The following APBB3 variants were observed in gnomAD, a reference collection of about 807,000 sequenced individuals.
APBB3 encodes the protein amyloid beta precursor protein binding family B member 3, also known as amyloid-beta A4 precursor protein-binding family B member 3.
A neutral mutation model predicts 61.5 loss-of-function variants in APBB3; 50 were observed. The observed-to-expected ratio is 0.81, with a 90% confidence interval of 0.65 to 1.03. The LOEUF (loss-of-function observed/expected upper bound fraction) is 1.03. APBB3 is among the 50% of genes least tolerant of loss of function. APBB3 has a pLI of 0.00. For missense variants in APBB3, 550 were observed against 637.4 expected (o/e 0.86, Z 1.48); for synonymous variants, 235 against 233.0 (o/e 1.01, Z -0.08).
chr5:140,558,760 G>T lies in APBB3; in HGVS notation c.1286C>A (p.Ala429Asp), dbSNP rs1299401304. ...CCGCTTGAGCCGCAGGCGGGCACGG[G>T]CCTGGGCACCCCAGGCCTTGCCTCG... ...AARGKAWGAQ[A>D]RARLRLKRTS... Residue 429 changes from alanine to aspartate, a missense_variant, in exon 13 of 13, where the codon GCC (alanine) becomes GAC (aspartate). Around this residue, in one of 3 missense-constraint regions of APBB3, gnomAD observed 138 missense variants for 132.6 expected, o/e 1.04. Transcript: ENST00000357560. 3 of 1,608,458 alleles carry T rather than the reference G, an allele frequency of 1.9e-6. No homozygotes were observed. The highest frequency in any genetic ancestry group is 3.4e-4 in the Middle Eastern group (2 of 5,896).
In APBB3 at chr5:140,564,204, G is replaced by T; in HGVS notation, c.42C>A (p.Asn14Lys). The change falls in exon 1 of 13, where the codon AAC becomes AAA. Residue 14 changes from asparagine (N) to lysine (K), a missense_variant. Coordinates refer to ENST00000357560, the MANE Select transcript of APBB3 (RefSeq NM_133173.3). The surrounding 1 kb of genome is among the most constrained non-coding windows in gnomAD (Gnocchi z 5.0). Reference sequence around the variant, plus strand: ...GGGCCCCTCCGTGCACACCATCGCAGTTGACCAGAATGATGGCCAGCATGT... The same window carrying T: ...GGGCCCCTCCGTGCACACCATCGCATTTGACCAGAATGATGGCCAGCATGT... The part of the protein sequence containing the change: ...KDYMLAIILV[N>K]CDDDLWGDHS... 4.3e-6 allele frequency: 7 copies of T among 1,613,928 alleles called. No individual in the cohort carries two copies. The highest frequency in any genetic ancestry group is 5.9e-6 in the Non-Finnish European group (7 of 1,180,030).
At chr5:140,561,260 T>C in intron 9 of APBB3, 105 bp downstream of exon 9, 1 of 1,494,136 alleles carries the variant, frequency 6.7e-7, no homozygotes. Flanking sequence ...AGACCAGACA[T>C]CTCAGAAATT....
In APBB3 at chr5:140,562,100, C is replaced by G. The variant is rs201714439; in HGVS notation, c.626G>C (p.Arg209Pro). 2 of 1,613,684 alleles carry G rather than the reference C, an allele frequency of 1.2e-6. No individual in the cohort carries two copies. Among genetic ancestry groups the G allele is most frequent in the Non-Finnish European group, 1.7e-6 (2 of 1,179,868 alleles). The change falls in exon 6 of 13, where the codon CGT (arginine) becomes CCT (proline). Residue 209 changes from arginine to proline, a missense_variant and splice_region_variant. Arg to Pro is a moderately radical substitution (Grantham distance 103). Around this residue, in one of 3 missense-constraint regions of APBB3, gnomAD observed 405 missense variants for 483.4 expected, o/e 0.84. Transcript: ENST00000357560. ...RVWGVGSSKG[R>P]DRDFAFVASD... ...GCTTGGGGGATGTAGGCATCCTCAC[C>G]GGCCCTTGGAGCTCCCCACGCCCCA...
At position 140,558,543 on chromosome 5, in the gene APBB3, G is replaced by C. The variant is rs543273423; in HGVS notation, c.*42C>G. 1 of 1,583,016 alleles carries C rather than the reference G, an allele frequency of 6.3e-7. No homozygotes were observed. The highest frequency in any genetic ancestry group is 1.3e-5 in the African/African-American group (1 of 74,398). On this transcript the variant is annotated 3_prime_UTR_variant, in exon 13 of 13. Transcript: ENST00000357560. ...GAGGAATAAAACGGTACAGAGTTAGGCATGGACCCAGAGCCTACTTCCCCA... is the reference window on the plus strand; with the variant it reads ...GAGGAATAAAACGGTACAGAGTTAGCCATGGACCCAGAGCCTACTTCCCCA...
chr5:140,561,141 A>G (rs1754937227), intron 9 of APBB3, 40 bp from the exon 10 acceptor site: 1 of 1,609,984 alleles, frequency 6.2e-7, no homozygotes, highest in Admixed American at 1.7e-5. Context: ...AGCTCTTTCA[A>G]TTACCCTTTT....
rs888556291 is a variant in APBB3 at position 140,558,941 on chromosome 5, CAT to C, written c.1225-122_1225-121del. 167 of 867,028 alleles carry C rather than the reference CAT, an allele frequency of 1.9e-4. No homozygotes were observed. In the African/African-American group the frequency reaches 2.3e-3, roughly 12 times the overall value. The allele number at this position is 867,028 out of a possible 1,614,324, so 53.7% of individuals were successfully genotyped here. ...TGATAACAAGGTTGGTAGTCAGCCACATGTGGAGTTTCTAGAGCATTCCCAGG... is the reference window on the plus strand; with the variant it reads ...TGATAACAAGGTTGGTAGTCAGCCACGTGGAGTTTCTAGAGCATTCCCAGG... On this transcript the variant is annotated intron_variant, in intron 12 of 12. Coordinates refer to ENST00000357560, the MANE Select transcript of APBB3 (RefSeq NM_133173.3).
Position 140,558,496 on chromosome 5 carries a change from G to A in APBB3, c.*89C>T. 1.6e-6 allele frequency: 2 copies of A among 1,257,078 alleles called. No homozygotes were observed. The highest frequency in any genetic ancestry group is 4.6e-5 in the East Asian group (2 of 43,244). The allele number at this position is 1,257,078 out of a possible 1,614,324, so 77.9% of individuals were successfully genotyped here. On this transcript the variant is annotated 3_prime_UTR_variant, in exon 13 of 13. Coordinates refer to ENST00000357560, the MANE Select transcript of APBB3 (RefSeq NM_133173.3). ...GAGGGACAGGCAGAGAAGGCTTCAA[G>A]GAGTGACAGGCTATAGGCCTTGAGG...
In APBB3 at chr5:140,564,359, G is replaced by A. The variant is rs1356634980; in HGVS notation, c.-114C>T. ...CTCTGCGCCGCAGGCTGCGGGGCCAGCTGGCGCCGCACAAATACGGGGCGG... is the reference window on the plus strand; with the variant it reads ...CTCTGCGCCGCAGGCTGCGGGGCCAACTGGCGCCGCACAAATACGGGGCGG... On this transcript the variant is annotated 5_prime_UTR_variant, in exon 1 of 13. Coordinates refer to ENST00000357560, the MANE Select transcript of APBB3 (RefSeq NM_133173.3). This position sits in a 1 kb window ranked among gnomAD's most constrained non-coding sequence, Gnocchi z 5.0. The A allele has an allele frequency of 7.5e-6, 10 of 1,330,728 alleles. No individual in the cohort carries two copies. The highest frequency in any genetic ancestry group is 1.0e-5 in the Non-Finnish European group (10 of 958,946). 82.4% of individuals were successfully genotyped at this position (1,330,728 alleles called of 1,614,324 possible).
At position 140,560,835 on chromosome 5, in the gene APBB3, G is replaced by T; in HGVS notation, c.917-81C>A. Reference sequence around the variant, plus strand: ...TGTCTAGCCCCCTCTCACTGATTTGGGATTCAGAGATAGGGAATAGGATAG... The same window carrying T: ...TGTCTAGCCCCCTCTCACTGATTTGTGATTCAGAGATAGGGAATAGGATAG... On this transcript the variant is annotated intron_variant, in intron 10 of 12. Coordinates refer to ENST00000357560, the MANE Select transcript of APBB3 (RefSeq NM_133173.3). The surrounding 1 kb of genome is among the most constrained non-coding windows in gnomAD (Gnocchi z 5.1). The T allele has an allele frequency of 2.1e-6, 3 of 1,452,004 alleles. No individual in the cohort carries two copies. Among genetic ancestry groups the T allele is most frequent in the African/African-American group, 1.4e-5 (1 of 71,968 alleles). 89.9% of individuals were successfully genotyped at this position (1,452,004 alleles called of 1,614,324 possible).
Position 140,560,755 on chromosome 5 carries a change from C to CT in APBB3, c.917-2dup. 1 of 1,613,714 alleles carries CT rather than the reference C, an allele frequency of 6.2e-7. No homozygotes were observed. The highest frequency in any genetic ancestry group is 1.6e-4 in the Middle Eastern group (1 of 6,062). On this transcript the variant is annotated splice_acceptor_variant, in intron 10 of 12. Transcript: ENST00000357560. LOFTEE classifies it high-confidence loss of function. This position sits in a 1 kb window ranked among gnomAD's most constrained non-coding sequence, Gnocchi z 5.1. Reference sequence around the variant, plus strand: ...ATGGCCTCGTTCAGCACATCCATGCCTGGGGGAACATACCCAGCGTGTCTC... The same window carrying CT: ...ATGGCCTCGTTCAGCACATCCATGCCTTGGGGGAACATACCCAGCGTGTCTC...
chr5:140,563,783 C>T lies in APBB3; in HGVS notation c.182G>A (p.Trp61Ter), dbSNP rs199542149. The T allele has an allele frequency of 1.9e-6, 3 of 1,614,036 alleles. No homozygotes were observed. The highest frequency in any genetic ancestry group is 1.3e-5 in the African/African-American group (1 of 74,908). Residue 61 changes from tryptophan to a stop codon, truncating the protein, a stop_gained, in exon 2 of 13, where the codon TGG becomes TAG. Coordinates refer to ENST00000357560, the MANE Select transcript of APBB3 (RefSeq NM_133173.3). LOFTEE classifies it high-confidence loss of function. The stretch of plus-strand genomic sequence containing the variant: ...TGGGTCCTCTGCATCTCCTAGTTCC[C>T]AGGTTGGGCGCTGCCACTGGGTGCT... Reference protein sequence around the residue: ...SGSTQWQRPTWELGDAEDPGT... With the variant: ...SGSTQWQRPT
rs766314118 is a variant in APBB3, at chr5:140,560,730, A to G, written c.941T>C (p.Ile314Thr). ...AMGMDVLNEA[I>T]GTLTARGDRN... ...GTCCCCCCTGGCGGTGAGGGTACCA[A>G]TGGCCTCGTTCAGCACATCCATGCC... The change falls in exon 11 of 13, where the codon ATT (isoleucine) becomes ACT (threonine). Residue 314 changes from isoleucine (I) to threonine (T), a missense_variant. This residue lies in a region of APBB3 where 405 missense variants were observed against 483.4 expected (regional missense o/e 0.84). Transcript: ENST00000357560. The surrounding 1 kb of genome is among the most constrained non-coding windows in gnomAD (Gnocchi z 5.1). The G allele has an allele frequency of 2.5e-6, 4 of 1,614,102 alleles. No individual in the cohort carries two copies. The highest frequency in any genetic ancestry group is 2.2e-5 in the South Asian group (2 of 91,078).
Position 140,564,553 on chromosome 5 carries a change from A to G in APBB3, c.-308T>C. 1.9e-6 allele frequency: 1 copy of G among 538,576 alleles called. No individual in the cohort carries two copies. The allele number at this position is 538,576 out of a possible 1,614,324, so 33.4% of individuals were successfully genotyped here. On this transcript the variant is annotated 5_prime_UTR_variant, in exon 1 of 13. Coordinates refer to ENST00000357560, the MANE Select transcript of APBB3 (RefSeq NM_133173.3). This position sits in a 1 kb window ranked among gnomAD's most constrained non-coding sequence, Gnocchi z 5.0. ...AGCGAAACCGCTGACACCACCGCCC[A>G]ACTATGAACTCATCAGGCGCCTGAA...
Position 140,563,639 on chromosome 5 carries a change from G to C in APBB3, c.245C>G (p.Pro82Arg), listed in dbSNP as rs145591427. The C allele has an allele frequency of 1.3e-5, 21 of 1,614,078 alleles. No homozygotes were observed. The highest frequency in any genetic ancestry group is 8.9e-5 in the East Asian group (4 of 44,894). ...GTEGIWGLRPPKGRSFSSLES... is the reference protein window; with the variant it reads ...GTEGIWGLRPRKGRSFSSLES... The stretch of plus-strand genomic sequence containing the variant: ...CAGGCTGGAGAAGGATCTCCCTTTG[G>C]GGGGCCGCAGTCCCCAGATCCCCTC... Residue 82 changes from proline (P) to arginine (R), a missense_variant, in exon 3 of 13, where the codon CCC becomes CGC. Coordinates refer to ENST00000357560, the MANE Select transcript of APBB3 (RefSeq NM_133173.3).
At position 140,560,342 on chromosome 5, in the gene APBB3, GT is replaced by G; in HGVS notation, c.1194del (p.Leu399SerfsTer80). The G allele has an allele frequency of 6.2e-7, 1 of 1,614,138 alleles. No individual in the cohort carries two copies. The highest frequency in any genetic ancestry group is 8.5e-7 in the Non-Finnish European group (1 of 1,180,044). On this transcript the variant is annotated frameshift_variant, in exon 12 of 13. Transcript: ENST00000357560. LOFTEE classifies it high-confidence loss of function. The surrounding 1 kb of genome is among the most constrained non-coding windows in gnomAD (Gnocchi z 5.1). ...CAGGCAGCCTGCACAGCTTCAGAGAGTCCCCCTGCATGGGGCTGGCACCAGA... is the reference window on the plus strand; with the variant it reads ...CAGGCAGCCTGCACAGCTTCAGAGAGCCCCCTGCATGGGGCTGGCACCAGA... ...AAFWCQPHAG[G>X]LSEAVQAACM...
chr5:140,560,319 G>C lies in APBB3; in HGVS notation c.1218C>G (p.Ala406=), dbSNP rs1349602925. The C allele has an allele frequency of 2.5e-6, 4 of 1,610,726 alleles. No homozygotes were observed. Among genetic ancestry groups the C allele is most frequent in the Admixed American group, 3.3e-5 (2 of 59,832 alleles). ...ATTCCCACCCATGACTCACCATACA[G>C]GCAGCCTGCACAGCTTCAGAGAGTC... is the stretch of plus-strand genomic sequence containing the variant. ...AGGLSEAVQA[A]CMVQYQKCLV... is the part of the protein sequence containing the mutation. The change falls in exon 12 of 13, where the codon GCC becomes GCG. Residue 406 remains alanine, a synonymous_variant. Transcript: ENST00000357560. The surrounding 1 kb of genome is among the most constrained non-coding windows in gnomAD (Gnocchi z 5.1).
chr5:140,560,444 T>G lies in APBB3; in HGVS notation c.1093A>C (p.Ile365Leu). 1 of 1,614,026 alleles carries G rather than the reference T, an allele frequency of 6.2e-7. No individual in the cohort carries two copies. Among genetic ancestry groups the G allele is most frequent in the Non-Finnish European group, 8.5e-7 (1 of 1,180,006 alleles). Residue 365 changes from isoleucine (I) to leucine (L), a missense_variant, in exon 12 of 13, where the codon ATT becomes CTT. Ile to Leu is a conservative substitution (Grantham distance 5, BLOSUM62 2). Transcript: ENST00000357560. The surrounding 1 kb of genome is among the most constrained non-coding windows in gnomAD (Gnocchi z 5.1). ...GTGTGTGGGTCGCGGCCAACACCAATAAATGTCACAAGGCGCACAGGGCAC... is the reference window on the plus strand; with the variant it reads ...GTGTGTGGGTCGCGGCCAACACCAAGAAATGTCACAAGGCGCACAGGGCAC... ...WQCPVRLVTF[I>L]GVGRDPHTFG...
rs1295494083 is a variant in APBB3, at chr5:140,563,822, T to TG, written c.142dup (p.His48ProfsTer6). 6.2e-7 allele frequency: 1 copy of TG among 1,614,194 alleles called. No homozygotes were observed. Among genetic ancestry groups the TG allele is most frequent in the South Asian group, 1.1e-5 (1 of 91,082 alleles). On this transcript the variant is annotated frameshift_variant, in exon 2 of 13. Coordinates refer to ENST00000357560, the MANE Select transcript of APBB3 (RefSeq NM_133173.3). LOFTEE classifies it high-confidence loss of function. ...CCACTGGGTGCTACCGCTGGGTACA[T>TG]GCCAGTAGTAAGTACCTGCAGCATC...
chr5:140,559,612 A>G (rs537083538), intron 12 of APBB3, among the ~76,000 whole-genome samples: 8 of 152,200 alleles, frequency 5.3e-5, no homozygotes, highest in African/African-American at 9.6e-5. Flanking sequence ...CTCATCCACT[A>G]ATATCTCTCA....
Sources: gnomAD v4.1 joint callset for allele counts (sites outside exome capture counted in the v4.1 genomes callset) on GRCh38, gnomAD v4.1.1 for gene constraint, gnomAD v4.1.1 regional missense constraint, Gnocchi (gnomAD v3.1) non-coding constraint, MANE v1.5 for transcripts, NCBI Gene and HGNC (gene_info 2026-07-23, HGNC 2026-07-21) for gene names.